RAB3C: variants seen among roughly 807,000 people sequenced by gnomAD.
The protein encoded by RAB3C is RAB3C, member RAS oncogene family.
In RAB3C, 17 loss-of-function variants were observed where a neutral mutation model predicts 26.4. The ratio of observed to expected loss-of-function variants is 0.64; its 90% CI spans 0.44 to 0.97. The LOEUF is 0.97. RAB3C is among the 50% of genes least tolerant of loss of function. RAB3C has a pLI of 0.00. For missense variants in RAB3C, 242 were observed against 281.9 expected (o/e 0.86, Z 1.01); for synonymous variants, 91 against 95.9 (o/e 0.95, Z 0.30).
chr5:58,602,103 G>C (rs2111687604), intron 1 of RAB3C, among the ~76,000 whole-genome samples: 1 of 150,918 alleles, frequency 6.6e-6, no homozygotes, highest in South Asian at 2.1e-4. Flanking sequence ...ATTTTTTTTT[G>C]ACCCAGTGTT....
intron 2 of RAB3C, among the ~76,000 whole-genome samples, chr5:58,638,832 T>C (rs1747346452): frequency 1.3e-5 from 2 of 152,170 alleles, no homozygotes; most frequent in Non-Finnish European, 2.9e-5. Flanking sequence ...TAGTAACAGG[T>C]GTGTAGCAGG....
At chr5:58,823,766 T>G (rs1743405746) in intron 3 of RAB3C, 1 of 152,226 alleles carries the variant, frequency 6.6e-6, no homozygotes, top group Non-Finnish European at 1.5e-5. Flanking sequence ...TTTTTTTATT[T>G]TATTATTATT....
At chr5:58,626,765 T>A (rs1747060944) in intron 2 of RAB3C, among the ~76,000 whole-genome samples, 1 of 152,252 alleles carries the variant, frequency 6.6e-6, no homozygotes, top group South Asian at 2.1e-4. Flanking sequence ...CTCAACAGCC[T>A]TTATTTTATG....
chr5:58,652,847 C>A (rs886078095), intron 2 of RAB3C, among the ~76,000 whole-genome samples: 3 of 151,980 alleles, frequency 2.0e-5, no homozygotes, highest in African/African-American at 4.8e-5. Context: ...TTGTTTATTG[C>A]TAGAAATTTT....
At chr5:58,687,283 G>A (rs549392713) in intron 2 of RAB3C, among the ~76,000 whole-genome samples, 1 of 152,158 alleles carries the variant, frequency 6.6e-6, no homozygotes, top group Non-Finnish European at 1.5e-5. Context: ...TAAAAGAGAG[G>A]GAACCATGCC....
In RAB3C at chr5:58,583,136, C is replaced by T; in HGVS notation, c.-73C>T. 1.9e-6 allele frequency: 3 copies of T among 1,610,904 alleles called. No individual in the cohort carries two copies. The highest frequency in any genetic ancestry group is 2.5e-6 in the Non-Finnish European group (3 of 1,178,976). On this transcript the variant is annotated 5_prime_UTR_variant, in exon 1 of 5. Transcript: ENST00000282878. ...GTGCAGAGTGTGGAGCGTGGAGCGC[C>T]GGGACTGTGCACGCTTGACCGGAAG...
At chr5:58,727,788 A>G (rs557867906) in intron 3 of RAB3C, among the ~76,000 whole-genome samples, 1 of 152,074 alleles carries the variant, frequency 6.6e-6, no homozygotes, top group African/African-American at 2.4e-5. Context: ...AAGTTTTCCA[A>G]AAGAACAAGA....
intron 3 of RAB3C, among the ~76,000 whole-genome samples, chr5:58,824,816 A>C (rs1385540995): frequency 6.6e-6 from 1 of 152,202 alleles, no homozygotes; most frequent in African/African-American, 2.4e-5. Flanking sequence ...AAGAATTATT[A>C]GTACACCACT....
At chr5:58,789,588 A>T (rs76018948) in intron 3 of RAB3C, among the ~76,000 whole-genome samples, 4,564 of 152,246 alleles carry the variant, frequency 0.03, 240 homozygotes, top group African/African-American at 0.1. Flanking sequence ...GAAGTTAAGT[A>T]TCTCAGCCAG....
chr5:58,626,936 T>TTCTGGATTGCTCTCTGGATCA (rs1747064563), intron 2 of RAB3C, among the ~76,000 whole-genome samples: 1 of 152,160 alleles, frequency 6.6e-6, no homozygotes, highest in Admixed American at 6.5e-5. Flanking sequence ...GTGGCATATC[T>TTCTGGATTGCTCTCTGGATCA]TCTGGATTGC....
At chr5:58,654,220 G>A (rs1419734010) in intron 2 of RAB3C, among the ~76,000 whole-genome samples, 1 of 152,094 alleles carries the variant, frequency 6.6e-6, no homozygotes, top group Non-Finnish European at 1.5e-5. Context: ...TATCATGTAG[G>A]TAATGAAGTA....
At chr5:58,779,080 T>C (rs1742212698) in intron 3 of RAB3C, among the ~76,000 whole-genome samples, 1 of 152,070 alleles carries the variant, frequency 6.6e-6, no homozygotes, top group Non-Finnish European at 1.5e-5. Context: ...TTACTCTTTT[T>C]AGAGAAACCT....
chr5:58,732,088 T>A (rs187189189), intron 3 of RAB3C, among the ~76,000 whole-genome samples: 129 of 135,554 alleles, frequency 9.5e-4, no homozygotes, highest in African/African-American at 3.1e-3. Flanking sequence ...TTATTTATTT[T>A]TTTCTGTTTT....
At chr5:58,822,782 C>T in intron 3 of RAB3C, 1 of 564,772 alleles carries the variant, frequency 1.8e-6, no homozygotes, top group South Asian at 1.5e-5. Flanking sequence ...GAAGGTTGGC[C>T]TGACAAATTA....
chr5:58,598,520 C>G (rs983619798), intron 1 of RAB3C, among the ~76,000 whole-genome samples: 2 of 152,036 alleles, frequency 1.3e-5, no homozygotes, highest in African/African-American at 4.8e-5. Context: ...CTACAAAATT[C>G]CACTTGCTCT....
At chr5:58,596,364 T>A (rs1289626776) in intron 1 of RAB3C, among the ~76,000 whole-genome samples, 2 of 150,900 alleles carry the variant, frequency 1.3e-5, no homozygotes, top group Non-Finnish European at 2.9e-5. Context: ...TCTACTCTTG[T>A]CTCCTGTCTA....
intron 1 of RAB3C, among the ~76,000 whole-genome samples, chr5:58,608,865 A>G (rs566713380): frequency 1.8e-4 from 27 of 152,282 alleles, no homozygotes; most frequent in African/African-American, 5.1e-4. Context: ...GCCATAAAAA[A>G]GGATGAGTTC....
intron 2 of RAB3C, among the ~76,000 whole-genome samples, chr5:58,682,860 G>A (rs745794754): frequency 6.6e-6 from 1 of 152,128 alleles, no homozygotes; most frequent in Admixed American, 6.6e-5. Context: ...AAGATTTGGG[G>A]ATTTACTCAA....
At chr5:58,707,633 T>C (rs547429100) in intron 2 of RAB3C, among the ~76,000 whole-genome samples, 1 of 152,248 alleles carries the variant, frequency 6.6e-6, no homozygotes, top group South Asian at 2.1e-4. Context: ...TTAACAATTA[T>C]CCCACGTTGA....
Sources: gnomAD v4.1 joint callset for allele counts (sites outside exome capture counted in the v4.1 genomes callset) on GRCh38, gnomAD v4.1.1 for gene constraint, MANE v1.5 for transcripts, NCBI Gene and HGNC (gene_info 2026-07-23, HGNC 2026-07-21) for gene names.